EPB41L4B: variants seen among roughly 807,000 people sequenced by gnomAD.
EPB41L4B encodes the protein erythrocyte membrane protein band 4.1 like 4B, also known as band 4.1-like protein 4B.
In EPB41L4B, 30 loss-of-function variants were observed where a neutral mutation model predicts 112.5. That is an observed-to-expected ratio of 0.27 (90% CI 0.20 to 0.36). EPB41L4B has a LOEUF of 0.36. EPB41L4B is among the 10% of genes least tolerant of loss of function. The pLI is 1.00. For synonymous variants in EPB41L4B, 408 were observed against 439.7 expected (o/e 0.93, Z 0.90); for missense variants, 1,024 against 1,133.3 (o/e 0.90, Z 1.38).
intron 1 of EPB41L4B, among the ~76,000 whole-genome samples, chr9:109,282,934 G>A (rs1045319943): frequency 6.6e-6 from 1 of 151,612 alleles, no homozygotes; most frequent in African/African-American, 2.4e-5. Flanking sequence ...CGCCCACCTC[G>A]GCGTCCCAAA....
At chr9:109,246,113 G>A (rs1400669896) in intron 14 of EPB41L4B, among the ~76,000 whole-genome samples, 1 of 152,154 alleles carries the variant, frequency 6.6e-6, no homozygotes, top group African/African-American at 2.4e-5. Context: ...CAAGATTCAA[G>A]AACCCTGGCC....
intron 20 of EPB41L4B, among the ~76,000 whole-genome samples, chr9:109,196,554 C>CA (rs1482350522): frequency 4.6e-5 from 7 of 151,900 alleles, no homozygotes; most frequent in Non-Finnish European, 1.0e-4. Flanking sequence ...CTTGTCTCTA[C>CA]AAAAAATACA....
rs186049337 is a variant in EPB41L4B at position 109,248,916 on chromosome 9, G to A, written c.1311-1127C>T. ...CTACTAAAAATACAAAAAATTAGCC[G>A]GGCGTGGTGGCGGGCACCTGTAGTC... is the stretch of plus-strand genomic sequence containing the variant. On this transcript the variant is annotated intron_variant, in intron 13 of 25. Transcript: ENST00000374566. Among the ~76,000 whole-genome samples the A allele has an allele frequency of 3.8e-3, 574 of 151,824 alleles. 4 individuals are homozygous for A. Among genetic ancestry groups the A allele is most frequent in the Non-Finnish European group, 4.2e-3 (283 of 67,920 alleles).
chr9:109,260,313 G>A (rs559259298), intron 6 of EPB41L4B, among the ~76,000 whole-genome samples: 4 of 151,174 alleles, frequency 2.6e-5, no homozygotes, highest in Admixed American at 6.6e-5. Flanking sequence ...CAAGCGATCC[G>A]CCCACCTCAG....
At chr9:109,298,831 G>A (rs561004218) in intron 1 of EPB41L4B, among the ~76,000 whole-genome samples, 13 of 152,248 alleles carry the variant, frequency 8.5e-5, no homozygotes, top group African/African-American at 2.9e-4. Flanking sequence ...GAATGGTTGA[G>A]CACACAGGGC....
chr9:109,252,657 G>T lies in EPB41L4B; in HGVS notation c.1279+784C>A, dbSNP rs549840960. Among the ~76,000 whole-genome samples, 5 of 152,266 alleles carry T rather than the reference G, an allele frequency of 3.3e-5. No individual in the cohort carries two copies. In the South Asian group the frequency reaches 1.0e-3, roughly 32 times the overall value. ...CTGAGCCAAGAAAAATGCATGGAGTGGCCACAAGGAAATCATGTACAGAAG... is the reference window on the plus strand; with the variant it reads ...CTGAGCCAAGAAAAATGCATGGAGTTGCCACAAGGAAATCATGTACAGAAG... On this transcript the variant is annotated intron_variant, in intron 12 of 25. Transcript: ENST00000374566.
At chr9:109,291,668 G>T (rs1836537990) in intron 1 of EPB41L4B, among the ~76,000 whole-genome samples, 3 of 152,208 alleles carry the variant, frequency 2.0e-5, no homozygotes, top group African/African-American at 7.2e-5. Context: ...CAACAAGGAA[G>T]TAAGAACAAT....
intron 15 of EPB41L4B, among the ~76,000 whole-genome samples, chr9:109,234,694 T>A (rs181243399): frequency 2.6e-5 from 4 of 152,158 alleles, no homozygotes; most frequent in Admixed American, 1.3e-4. Flanking sequence ...CAAGACCCCA[T>A]CTCTACAAAA....
rs1189620625 is a variant in EPB41L4B, at chr9:109,173,097, GAAC to G, written c.*1454_*1456del. 1 of 152,536 alleles carries G rather than the reference GAAC, an allele frequency of 6.6e-6. No individual in the cohort carries two copies. The highest frequency in any genetic ancestry group is 1.5e-5 in the Non-Finnish European group (1 of 68,008). The allele number at this position is 152,536 out of a possible 1,614,324, so 9.4% of individuals were successfully genotyped here. On this transcript the variant is annotated 3_prime_UTR_variant, in exon 26 of 26. Coordinates refer to ENST00000374566, the MANE Select transcript of EPB41L4B (RefSeq NM_019114.5). ...TTAATGAAATAAAACAACTCTTCAAGAACAACTATACATACCTATTAAACTAGC... is the reference window on the plus strand; with the variant it reads ...TTAATGAAATAAAACAACTCTTCAAGAACTATACATACCTATTAAACTAGC...
At chr9:109,179,244 T>C (rs1049750883) in intron 24 of EPB41L4B, among the ~76,000 whole-genome samples, 3 of 152,220 alleles carry the variant, frequency 2.0e-5, no homozygotes, top group Non-Finnish European at 4.4e-5. Flanking sequence ...AGCCCAGCTG[T>C]TGAAACCCAG....
chr9:109,230,477 C>G (rs1588153308), intron 15 of EPB41L4B, among the ~76,000 whole-genome samples: 3 of 152,212 alleles, frequency 2.0e-5, no homozygotes, highest in African/African-American at 4.8e-5. Context: ...ATGCCAGGAA[C>G]TACAGCTCAA....
intron 1 of EPB41L4B, among the ~76,000 whole-genome samples, chr9:109,282,449 T>G (rs1036533828): frequency 2.0e-5 from 3 of 152,210 alleles, no homozygotes; most frequent in African/African-American, 7.2e-5. Flanking sequence ...GAGTTTTTCT[T>G]TATTGAAGTA....
At position 109,185,557 on chromosome 9, in the gene EPB41L4B, G is replaced by A; in HGVS notation, c.2350C>T (p.Pro784Ser). Residue 784 changes from proline (P) to serine (S), a missense_variant, in exon 23 of 26, where the codon CCA becomes TCA. Physicochemically the swap from Pro to Ser is moderately conservative, Grantham distance 74. Transcript: ENST00000374566. ...PHCAHSRCSP[P>S]LSLPMKEETT... ...TCTTCCTTCATGGGGAGAGAGAGTG[G>A]AGGAGAACAGCGAGAGTGGGCACAG... 1.2e-6 allele frequency: 2 copies of A among 1,613,192 alleles called. No homozygotes were observed. The highest frequency in any genetic ancestry group is 2.7e-5 in the African/African-American group (2 of 74,978).
At chr9:109,185,714 G>C in intron 22 of EPB41L4B, 109 bp from the exon 23 acceptor site, 1 of 778,020 alleles carries the variant, frequency 1.3e-6, no homozygotes, top group Non-Finnish European at 2.0e-6. Context: ...GTGCAAGACA[G>C]ATCTGGCAAC....
At chr9:109,300,316 C>G (rs1056806792) in intron 1 of EPB41L4B, 2 of 152,154 alleles carry the variant, frequency 1.3e-5, no homozygotes, top group African/African-American at 4.8e-5. Context: ...GCAGCACTAT[C>G]CATCTCAGTG....
In EPB41L4B at chr9:109,229,610, CCTT is replaced by C. The variant is rs370281913; in HGVS notation, c.1410-12468_1410-12466del. 1.3e-3 allele frequency among the ~76,000 whole-genome samples: 199 copies of C among 152,340 alleles called. 1 individual carries two copies. Among genetic ancestry groups the C allele is most frequent in the African/African-American group, 4.4e-3 (184 of 41,570 alleles). ...AGGTAGCACACAAGTTCTCCACACA[CCTT>C]CTGGAGGAGCTGGTTGGGACAAACT... On this transcript the variant is annotated intron_variant, in intron 15 of 25. Coordinates refer to ENST00000374566, the MANE Select transcript of EPB41L4B (RefSeq NM_019114.5).
chr9:109,264,115 T>C (rs773459230), intron 5 of EPB41L4B, among the ~76,000 whole-genome samples: 3 of 152,174 alleles, frequency 2.0e-5, no homozygotes, highest in Non-Finnish European at 4.4e-5. Flanking sequence ...ACCAAAGGTC[T>C]GTATTGCACG....
chr9:109,272,564 A>G (rs1160987756), intron 2 of EPB41L4B, among the ~76,000 whole-genome samples: 1 of 152,100 alleles, frequency 6.6e-6, no homozygotes, highest in African/African-American at 2.4e-5. Context: ...GCCAGCCTGG[A>G]CAACATGGTA....
chr9:109,254,370 T>C (rs780398716), intron 11 of EPB41L4B, among the ~76,000 whole-genome samples: 1 of 152,176 alleles, frequency 6.6e-6, no homozygotes, highest in Non-Finnish European at 1.5e-5. Context: ...CAAAAAGAGC[T>C]TGGTCTTCCC....
Sources: gnomAD v4.1 joint callset for allele counts (sites outside exome capture counted in the v4.1 genomes callset) on GRCh38, gnomAD v4.1.1 for gene constraint, MANE v1.5 for transcripts, NCBI Gene and HGNC (gene_info 2026-07-23, HGNC 2026-07-21) for gene names.